Variants in PIEZO2 observed in about 807,000 individuals in gnomAD.
The protein encoded by PIEZO2 is piezo type mechanosensitive ion channel component 2.
Under a neutral mutation model 337.3 loss-of-function variants are expected in PIEZO2, and 172 were observed. The observed-to-expected ratio is 0.51, with a 90% CI of 0.45 to 0.58. PIEZO2 has a LOEUF of 0.58. Among genes scored for constraint, PIEZO2 ranks in the 20% least tolerant of loss-of-function variants. PIEZO2 has a pLI of 0.00. For synonymous variants in PIEZO2, 1,251 were observed against 1,228.5 expected, an observed-to-expected ratio of 1.02 and a Z score of -0.38; for missense variants, 3,028 against 3,391.3, an observed-to-expected ratio of 0.89 and a Z score of 2.66.
At chr18:10,820,242 G>T (rs1182757198) in intron 7 of PIEZO2, among the ~76,000 whole-genome samples, 1 of 151,524 alleles carries the variant, frequency 6.6e-6, no homozygotes, top group Non-Finnish European at 1.5e-5. Context: ...ACATTTGGCT[G>T]TTATTTCTTA....
At chr18:11,023,758 G>A in intron 2 of PIEZO2, among the ~76,000 whole-genome samples, 1 of 152,230 alleles carries the variant, frequency 6.6e-6, no homozygotes, top group East Asian at 1.9e-4. Flanking sequence ...GGGAGGCTCA[G>A]GCATGGTGGG....
intron 7 of PIEZO2, among the ~76,000 whole-genome samples, chr18:10,823,833 G>T (rs1384335570): frequency 6.6e-6 from 1 of 152,152 alleles, no homozygotes; most frequent in Non-Finnish European, 1.5e-5. Context: ...TGTAATGATA[G>T]GACTTATAAA....
At chr18:11,024,506 A>C (rs1378775793) in intron 2 of PIEZO2, among the ~76,000 whole-genome samples, 1 of 146,054 alleles carries the variant, frequency 6.8e-6, no homozygotes, top group Non-Finnish European at 1.5e-5. Flanking sequence ...AGATCGCGCC[A>C]CTGCACTCCA....
intron 36 of PIEZO2, among the ~76,000 whole-genome samples, chr18:10,722,674 T>C (rs573788735): frequency 6.6e-6 from 1 of 152,252 alleles, no homozygotes; most frequent in East Asian, 1.9e-4. Context: ...GGAAAAAATA[T>C]CTGAAACATA....
rs896674545 is a variant in PIEZO2 at position 10,800,612 on chromosome 18, C to T, written c.1240-137G>A. On this transcript the variant is annotated intron_variant, in intron 10 of 55. Coordinates refer to ENST00000674853, the MANE Select transcript of PIEZO2 (RefSeq NM_001378183.1). The stretch of plus-strand genomic sequence containing the variant: ...CAAGCTGAATAACTTAGCCAATTGC[C>T]CAAATATTTTAGTAAGGGGAATCTT... 6 of 1,041,990 alleles carry T rather than the reference C, an allele frequency of 5.8e-6. No homozygotes were observed. The African/African-American group carries it at 8.3e-5, about 14-fold the overall frequency. The allele number at this position is 1,041,990 out of a possible 1,614,324, so 64.5% of individuals were successfully genotyped here. A position where few individuals can be genotyped will look rare whatever the true frequency, so the allele number is the denominator to read the frequency against.
intron 2 of PIEZO2, among the ~76,000 whole-genome samples, chr18:11,042,749 C>A (rs893352643): frequency 6.6e-6 from 1 of 152,172 alleles, no homozygotes; most frequent in Admixed American, 6.5e-5. Context: ...TGTCATACAC[C>A]TTTGGGGGGC....
At chr18:10,749,812 C>T (rs984003740) in intron 29 of PIEZO2, among the ~76,000 whole-genome samples, 7 of 152,140 alleles carry the variant, frequency 4.6e-5, no homozygotes, top group Admixed American at 4.6e-4. Context: ...CTCAAAAAGT[C>T]CGGGGAGTTA....
chr18:11,042,063 C>T lies in PIEZO2; in HGVS notation c.160+24064G>A, dbSNP rs572930003. Among the ~76,000 whole-genome samples, 8 of 152,328 alleles carry T rather than the reference C, an allele frequency of 5.3e-5. No homozygotes were observed. The East Asian group carries it at 1.5e-3, about 29-fold the overall frequency. ...CCAAATCATCTCTCTGGTAAAAATG[C>T]TGCCTCTCAGCAGTGTTCTGGGGAG... On this transcript the variant is annotated intron_variant, in intron 2 of 55. Coordinates refer to ENST00000674853, the MANE Select transcript of PIEZO2 (RefSeq NM_001378183.1).
At position 11,104,041 on chromosome 18, in the gene PIEZO2, T is replaced by G. The variant is rs927145615; in HGVS notation, c.65-37819A>C. Among the ~76,000 whole-genome samples, 8 of 152,200 alleles carry G rather than the reference T, an allele frequency of 5.3e-5. No individual in the cohort carries two copies. The highest frequency in any genetic ancestry group is 8.8e-5 in the Non-Finnish European group (6 of 68,030). On this transcript the variant is annotated intron_variant, in intron 1 of 55. Transcript: ENST00000674853. The surrounding 1 kb of genome is among the most constrained non-coding windows in gnomAD (Gnocchi z 4.6). ...TCAAAACACGTGGATCACTGAAAGT[T>G]ACTGGTTTTCATGTCTTCATTTCCA...
At chr18:10,933,405 A>C (rs1039413392) in intron 3 of PIEZO2, among the ~76,000 whole-genome samples, 7 of 151,760 alleles carry the variant, frequency 4.6e-5, no homozygotes, top group Non-Finnish European at 8.8e-5. Context: ...ATATTTTTTC[A>C]TTTATTTTGC....
chr18:10,776,245 TC>T (rs1568044084), intron 18 of PIEZO2, among the ~76,000 whole-genome samples: 1 of 152,166 alleles, frequency 6.6e-6, no homozygotes, highest in Non-Finnish European at 1.5e-5. Flanking sequence ...ATGTAACCTA[TC>T]TTTTAAGTCT....
Position 10,800,480 on chromosome 18 carries a change from C to T in PIEZO2, c.1240-5G>A, listed in dbSNP as rs373971761. The T allele has an allele frequency of 2.5e-4, 384 of 1,524,484 alleles. No homozygotes were observed. The highest frequency in any genetic ancestry group is 3.0e-4 in the Non-Finnish European group (338 of 1,141,530). The allele number at this position is 1,524,484 out of a possible 1,614,324, so 94.4% of individuals were successfully genotyped here. A position where few individuals can be genotyped will look rare whatever the true frequency, so the allele number is the denominator to read the frequency against. On this transcript the variant is annotated splice_polypyrimidine_tract_variant and splice_region_variant and intron_variant, in intron 10 of 55. Coordinates refer to ENST00000674853, the MANE Select transcript of PIEZO2 (RefSeq NM_001378183.1). ...GTTCACAGTCACCAGCAGGCCCTGCCGGGAGTGCAGAGAAAGGGACAACTG... is the reference window on the plus strand; with the variant it reads ...GTTCACAGTCACCAGCAGGCCCTGCTGGGAGTGCAGAGAAAGGGACAACTG...
chr18:10,857,239 C>G (rs1042054173), intron 5 of PIEZO2, 28 bp from the exon 6 acceptor site: 21 of 1,526,546 alleles, frequency 1.4e-5, no homozygotes, highest in Non-Finnish European at 1.8e-5. Flanking sequence ...AGGAAACACT[C>G]AAGTCCAGGA....
rs2032951911 is a variant in PIEZO2 at position 10,945,148 on chromosome 18, C to T, written c.287-33920G>A. Among the ~76,000 whole-genome samples, 1 of 152,154 alleles carries T rather than the reference C, an allele frequency of 6.6e-6. No homozygotes were observed. Among genetic ancestry groups the T allele is most frequent in the Non-Finnish European group, 1.5e-5 (1 of 68,032 alleles). On this transcript the variant is annotated intron_variant, in intron 3 of 55. Transcript: ENST00000674853. This position sits in a 1 kb window ranked among gnomAD's most constrained non-coding sequence, Gnocchi z 4.0. ...TGACCAGTACATGCATGTGAGGAAA[C>T]TACCTGAATCTGAAGAAGACGCCCT...
chr18:10,905,273 T>A (rs2043146217), intron 4 of PIEZO2, among the ~76,000 whole-genome samples: 1 of 152,142 alleles, frequency 6.6e-6, no homozygotes, highest in South Asian at 2.1e-4. Context: ...CCATGCCATG[T>A]ACTGCGGGCT....
At chr18:11,134,346 T>A (rs923999862) in intron 1 of PIEZO2, among the ~76,000 whole-genome samples, 1 of 152,212 alleles carries the variant, frequency 6.6e-6, no homozygotes, top group African/African-American at 2.4e-5. Flanking sequence ...TCTCTCTTTT[T>A]GGCCACTTTG....
chr18:10,796,840 T>C (rs1252081294), intron 12 of PIEZO2, among the ~76,000 whole-genome samples: 1 of 152,178 alleles, frequency 6.6e-6, no homozygotes, highest in Non-Finnish European at 1.5e-5. Flanking sequence ...ATACATACCG[T>C]CATATCATAT....
rs543348806 is a variant in PIEZO2, at chr18:10,969,182, G to A, written c.286+10353C>T. On this transcript the variant is annotated intron_variant, in intron 3 of 55. Coordinates refer to ENST00000674853, the MANE Select transcript of PIEZO2 (RefSeq NM_001378183.1). The surrounding 1 kb of genome is among the most constrained non-coding windows in gnomAD (Gnocchi z 4.5). The stretch of plus-strand genomic sequence containing the variant: ...ATACAGTTATAGCTTTACATTGTTC[G>A]TCTATAATTTTGAGGTTGAGTTTAC... 3.3e-5 allele frequency among the ~76,000 whole-genome samples: 5 copies of A among 152,078 alleles called. No individual in the cohort carries two copies. Among genetic ancestry groups the A allele is most frequent in the East Asian group, 3.8e-4 (2 of 5,196 alleles).
At chr18:10,831,100 A>C (rs76448865) in intron 7 of PIEZO2, among the ~76,000 whole-genome samples, 1,681 of 152,298 alleles carry the variant, frequency 0.011, 26 homozygotes, top group African/African-American at 0.039. Context: ...CACAACCCCT[A>C]TGGAAAACAG....
Sources: allele counts gnomAD v4.1 joint callset (sites outside exome capture counted in the v4.1 genomes callset), GRCh38; gene constraint gnomAD v4.1.1; non-coding constraint Gnocchi (gnomAD v3.1); transcripts MANE v1.5; gene names NCBI Gene and HGNC (gene_info 2026-07-23, HGNC 2026-07-21).